Variants in TBCEL observed in about 807,000 individuals in gnomAD.
The protein encoded by TBCEL is tubulin-specific chaperone cofactor E-like protein.
TBCEL carries 15 observed loss-of-function variants against 44.2 expected under a neutral mutation model. That is an observed-to-expected ratio of 0.34 (90% CI 0.23 to 0.52). The LOEUF is 0.52. Among genes scored for constraint, TBCEL ranks in the 20% least tolerant of loss-of-function variants. TBCEL has a pLI of 0.95. For missense variants in TBCEL, 319 were observed against 506.3 expected, an observed-to-expected ratio of 0.63 and a Z score of 3.55; for synonymous variants, 171 against 185.4, an observed-to-expected ratio of 0.92 and a Z score of 0.63.
intron 4 of TBCEL, among the ~76,000 whole-genome samples, chr11:121,053,315 T>C (rs1463417839): frequency 6.6e-6 from 1 of 151,910 alleles, no homozygotes; most frequent in African/African-American, 2.4e-5. Context: ...TTTTTACCAT[T>C]AAGTTCTGTT....
intron 4 of TBCEL, 112 bp downstream of exon 4, chr11:121,047,779 C>A: frequency 1.5e-6 from 2 of 1,316,746 alleles, no homozygotes; most frequent in Non-Finnish European, 2.1e-6. Flanking sequence ...GTCTGTATGA[C>A]TTCTTGTTGT....
intron 3 of TBCEL, among the ~76,000 whole-genome samples, chr11:121,047,315 C>T (rs748439823): frequency 7.2e-5 from 11 of 151,858 alleles, no homozygotes; most frequent in Admixed American, 4.6e-4. Context: ...TTTGGTGGTA[C>T]GGGTGCAGTA....
chr11:121,028,698 G>A (rs745313709), intron 1 of TBCEL, among the ~76,000 whole-genome samples: 14 of 152,140 alleles, frequency 9.2e-5, no homozygotes, highest in Non-Finnish European at 1.5e-4. Flanking sequence ...AGTGGTCACC[G>A]CAGTAATAAT....
chr11:121,025,904 G>T (rs1007934408), intron 1 of TBCEL, among the ~76,000 whole-genome samples: 2 of 150,568 alleles, frequency 1.3e-5, no homozygotes, highest in Non-Finnish European at 3.0e-5. Context: ...TTTTGTATGC[G>T]TGTGTGTTTT....
rs575174388 is a variant in TBCEL, at chr11:121,085,281, G to A, written c.957-1497G>A. Among the ~76,000 whole-genome samples the A allele has an allele frequency of 1.8e-4, 28 of 152,156 alleles. No homozygotes were observed. The South Asian group carries it at 5.2e-3, about 28-fold the overall frequency. On this transcript the variant is annotated intron_variant, in intron 8 of 8. Coordinates refer to ENST00000683345, the MANE Select transcript of TBCEL (RefSeq NM_001363644.2). ...TCTCGAACTCCTGACCTCGTGATCT[G>A]CCCACCATGGCCTCCCAAAGTGCTG...
chr11:121,060,708 C>T (rs1945706815), intron 8 of TBCEL, among the ~76,000 whole-genome samples: 1 of 151,576 alleles, frequency 6.6e-6, no homozygotes, highest in Admixed American at 6.6e-5. Flanking sequence ...TATAGGCAAA[C>T]ATTCAAGAAA....
intron 8 of TBCEL, among the ~76,000 whole-genome samples, chr11:121,083,464 T>C (rs750363857): frequency 4.6e-5 from 7 of 152,228 alleles, no homozygotes; most frequent in Non-Finnish European, 1.0e-4. Context: ...GCAATTATTT[T>C]TGAACCTATT....
intron 2 of TBCEL, among the ~76,000 whole-genome samples, chr11:121,037,885 A>G (rs533949728): frequency 2.0e-5 from 3 of 152,308 alleles, no homozygotes; most frequent in African/African-American, 7.2e-5. Context: ...TAAAAAGGGA[A>G]ACTACATGGT....
chr11:121,076,612 A>G (rs886885049), intron 8 of TBCEL, among the ~76,000 whole-genome samples: 14 of 151,962 alleles, frequency 9.2e-5, no homozygotes, highest in African/African-American at 3.4e-4. Flanking sequence ...AGCACAGTGT[A>G]TGTCTTCTTT....
intron 2 of TBCEL, 135 bp downstream of exon 2, chr11:121,036,747 C>T (rs1945238212): frequency 6.6e-6 from 1 of 152,074 alleles, no homozygotes; most frequent in Non-Finnish European, 1.5e-5. Context: ...GGACTACAAG[C>T]ATGAGAGTCA....
At chr11:121,033,213 G>A (rs1311617568) in intron 1 of TBCEL, among the ~76,000 whole-genome samples, 1 of 152,062 alleles carries the variant, frequency 6.6e-6, no homozygotes, top group Non-Finnish European at 1.5e-5. Context: ...GGAAAGAATT[G>A]CAACTCTTAA....
At chr11:121,029,370 A>G (rs1179914977) in intron 1 of TBCEL, among the ~76,000 whole-genome samples, 1 of 152,214 alleles carries the variant, frequency 6.6e-6, no homozygotes, top group Admixed American at 6.5e-5. Flanking sequence ...AGCTTTCACA[A>G]TAATAACTAG....
intron 4 of TBCEL, among the ~76,000 whole-genome samples, chr11:121,050,794 G>T (rs900357810): frequency 2.6e-5 from 4 of 151,522 alleles, no homozygotes; most frequent in Non-Finnish European, 4.4e-5. Flanking sequence ...CAAAGTAAAG[G>T]GTCCCCTATT....
chr11:121,071,114 G>A (rs527760079), intron 8 of TBCEL, among the ~76,000 whole-genome samples: 202 of 152,240 alleles, frequency 1.3e-3, no homozygotes, highest in Admixed American at 2.4e-3. Context: ...ATAGTCAAGT[G>A]TACATGTTTA....
intron 8 of TBCEL, among the ~76,000 whole-genome samples, chr11:121,062,357 A>G (rs1945739854): frequency 6.6e-6 from 1 of 152,140 alleles, no homozygotes; most frequent in Admixed American, 6.6e-5. Flanking sequence ...ATAAATCCGT[A>G]AGCCAGTAAC....
At chr11:121,043,915 A>G (rs750354672) in intron 2 of TBCEL, among the ~76,000 whole-genome samples, 1 of 152,026 alleles carries the variant, frequency 6.6e-6, no homozygotes, top group Non-Finnish European at 1.5e-5. Flanking sequence ...GTTTCCCTGG[A>G]TGTTCCACAG....
At chr11:121,058,584 A>G (rs1945664098) in intron 7 of TBCEL, 113 bp downstream of exon 7, 3 of 1,399,188 alleles carry the variant, frequency 2.1e-6, no homozygotes, top group East Asian at 2.4e-5. Flanking sequence ...CTTTGAGCAG[A>G]CTGTGCTTGA....
At chr11:121,058,219 A>G in intron 6 of TBCEL, 126 bp from the exon 7 acceptor site, 1 of 1,202,122 alleles carries the variant, frequency 8.3e-7, no homozygotes, top group African/African-American at 1.5e-5. Context: ...GAAAACTTTC[A>G]GACCGTTTAG....
intron 3 of TBCEL, 39 bp downstream of exon 3, chr11:121,045,862 C>T: frequency 6.6e-7 from 1 of 1,507,384 alleles, no homozygotes; most frequent in Non-Finnish European, 8.8e-7. Context: ...TTTAGTGGAG[C>T]TTACTTAGGA....
Sources: gnomAD v4.1 joint callset for allele counts (sites outside exome capture counted in the v4.1 genomes callset) on GRCh38, gnomAD v4.1.1 for gene constraint, MANE v1.5 for transcripts, NCBI Gene and HGNC (gene_info 2026-07-23, HGNC 2026-07-21) for gene names.